The following RPS6KA5 variants were observed in gnomAD, a reference collection of about 807,000 sequenced individuals.
The protein encoded by RPS6KA5 is ribosomal protein S6 kinase alpha-5.
Under a neutral mutation model 85.5 loss-of-function variants are expected in RPS6KA5, and 27 were observed. The observed-to-expected ratio is 0.32, with a 90% confidence interval of 0.23 to 0.44. The LOEUF (loss-of-function observed/expected upper bound fraction) is 0.44. RPS6KA5 is among the 20% of genes least tolerant of loss of function. The probability of loss-of-function intolerance (pLI) is 1.00; values close to 1 mark genes in which losing one functional copy is unlikely to be tolerated. For missense variants in RPS6KA5, 811 were observed against 980.9 expected, an observed-to-expected ratio of 0.83 and a Z score of 2.31; for synonymous variants, 334 against 348.2, an observed-to-expected ratio of 0.96 and a Z score of 0.46.
At chr14:90,980,752 A>G (rs2039754352) in intron 2 of RPS6KA5, among the ~76,000 whole-genome samples, 1 of 152,224 alleles carries the variant, frequency 6.6e-6, no homozygotes, top group Admixed American at 6.5e-5. Context: ...AGGGAACCAG[A>G]GATTAAATAG....
intron 6 of RPS6KA5, among the ~76,000 whole-genome samples, 169 bp downstream of exon 6, chr14:90,922,944 T>C (rs932075231): frequency 1.3e-5 from 2 of 152,018 alleles, no homozygotes; most frequent in Admixed American, 1.3e-4. Flanking sequence ...TCCAAAATAC[T>C]AGATATCATA....
At chr14:91,060,246 C>T in intron 1 of RPS6KA5, 86 bp downstream of exon 1, 1 of 977,016 alleles carries the variant, frequency 1.0e-6, no homozygotes. Context: ...GCTGCGGCCC[C>T]GCGCCCCCAG....
intron 1 of RPS6KA5, among the ~76,000 whole-genome samples, chr14:91,043,937 T>C (rs1032823794): frequency 1.3e-5 from 2 of 152,120 alleles, no homozygotes; most frequent in Non-Finnish European, 2.9e-5. Context: ...AAGAAAATTA[T>C]CCAAGTAGGC....
At position 91,059,340 on chromosome 14, in the gene RPS6KA5, GA is replaced by G. The variant is rs542313515; in HGVS notation, c.103+991del. ...GAGCAACAAGAGCGAAACTCTGTCT[GA>G]AAAAAAAAAAAAAAAATCCCAATAT... On this transcript the variant is annotated intron_variant, in intron 1 of 16. Transcript: ENST00000614987. Among the ~76,000 whole-genome samples, 699 of 127,518 alleles carry G rather than the reference GA, an allele frequency of 5.5e-3. 1 individual carries two copies. The highest frequency in any genetic ancestry group is 0.029 in the South Asian group (116 of 3,964). 83.7% of individuals were successfully genotyped at this position (127,518 alleles called of 152,430 possible).
At chr14:91,012,227 A>G (rs2041290447) in intron 1 of RPS6KA5, among the ~76,000 whole-genome samples, 1 of 152,336 alleles carries the variant, frequency 6.6e-6, no homozygotes, top group East Asian at 1.9e-4. Context: ...ATTCCTCAAT[A>G]AACAGTTTCA....
intron 4 of RPS6KA5, among the ~76,000 whole-genome samples, chr14:90,943,544 A>C (rs548493199): frequency 6.6e-6 from 1 of 152,162 alleles, no homozygotes; most frequent in Admixed American, 6.5e-5. Flanking sequence ...ATCACTTCCT[A>C]ACGGCTTCAG....
At chr14:91,004,341 G>A (rs544579608) in intron 1 of RPS6KA5, among the ~76,000 whole-genome samples, 3 of 151,962 alleles carry the variant, frequency 2.0e-5, no homozygotes, top group South Asian at 4.2e-4. Context: ...AAAGTGCTGG[G>A]ATTACAGGCG....
chr14:90,968,907 T>C (rs558504417), intron 3 of RPS6KA5, among the ~76,000 whole-genome samples: 1 of 152,372 alleles, frequency 6.6e-6, no homozygotes, highest in African/African-American at 2.4e-5. Flanking sequence ...AATAGCCCTT[T>C]AATTTAGGTC....
In RPS6KA5 at chr14:90,861,600, T is replaced by C. The variant is rs571635381; in HGVS notation, c.*10474A>G. On this transcript the variant is annotated 3_prime_UTR_variant, in exon 17 of 17. Coordinates refer to ENST00000614987, the MANE Select transcript of RPS6KA5 (RefSeq NM_004755.4). ...ACATACATAGAATGTAGAAGTAAAA[T>C]ACATGACAACAATAACATAAAAGGA... The C allele has an allele frequency of 1.3e-5, 2 of 149,686 alleles. No homozygotes were observed. Among genetic ancestry groups the C allele is most frequent in the South Asian group, 4.2e-4 (2 of 4,722 alleles). 9.3% of individuals were successfully genotyped at this position (149,686 alleles called of 1,614,324 possible).
At chr14:91,027,839 A>C (rs1310358708) in intron 1 of RPS6KA5, among the ~76,000 whole-genome samples, 1 of 152,214 alleles carries the variant, frequency 6.6e-6, no homozygotes, top group Non-Finnish European at 1.5e-5. Context: ...ACCTCTGCTC[A>C]ATTTCATTGG....
intron 1 of RPS6KA5, among the ~76,000 whole-genome samples, chr14:91,045,287 G>A (rs1489524220): frequency 7.6e-5 from 11 of 143,848 alleles, no homozygotes; most frequent in African/African-American, 2.9e-4. Flanking sequence ...TTGAGATGGA[G>A]TCTTGCTCAG....
Position 90,875,616 on chromosome 14 carries a change from G to C in RPS6KA5, c.1837-256C>G, listed in dbSNP as rs113640422. Among the ~76,000 whole-genome samples, 1,245 of 151,824 alleles carry C rather than the reference G, an allele frequency of 8.2e-3. 11 individuals carry two copies. Among genetic ancestry groups the C allele is most frequent in the Middle Eastern group, 0.017 (5 of 294 alleles). ...ACACATGCACACGTATGTTTATTGC[G>C]GCACTATTCACAATAGCAAAGACTT... On this transcript the variant is annotated intron_variant, in intron 14 of 16. Transcript: ENST00000614987.
At chr14:90,925,498 T>G (rs368798094) in intron 5 of RPS6KA5, among the ~76,000 whole-genome samples, 1 of 152,022 alleles carries the variant, frequency 6.6e-6, no homozygotes, top group South Asian at 2.1e-4. Flanking sequence ...CTGCACGGTG[T>G]GGGGAAGTAG....
rs571038965 is a variant in RPS6KA5, at chr14:90,994,398, G to A, written c.175+6690C>T. ...TCCAATCTGTCTGGTCATTTTTTTA[G>A]CATGTATTATTCCGTAATATTACAA... On this transcript the variant is annotated intron_variant, in intron 2 of 16. Transcript: ENST00000614987. 5.3e-5 allele frequency among the ~76,000 whole-genome samples: 8 copies of A among 150,996 alleles called. No homozygotes were observed. In the South Asian group the frequency reaches 1.7e-3, roughly 31 times the overall value.
At chr14:90,966,741 T>C (rs891513993) in intron 3 of RPS6KA5, among the ~76,000 whole-genome samples, 10 of 152,304 alleles carry the variant, frequency 6.6e-5, no homozygotes, top group African/African-American at 2.4e-4. Flanking sequence ...TAATACTAGT[T>C]GCAAGGAATG....
intron 2 of RPS6KA5, among the ~76,000 whole-genome samples, chr14:90,983,612 GAAGA>G (rs958994491): frequency 6.8e-6 from 1 of 146,128 alleles, no homozygotes; most frequent in Non-Finnish European, 1.5e-5. Context: ...GGGGGAGAAA[GAAGA>G]AAGAAGAGAG....
At chr14:91,058,456 T>G (rs903979974) in intron 1 of RPS6KA5, among the ~76,000 whole-genome samples, 3 of 152,234 alleles carry the variant, frequency 2.0e-5, no homozygotes, top group Non-Finnish European at 2.9e-5. Context: ...TGCTCCTTGG[T>G]CATTTAGCAA....
At chr14:90,947,637 A>G in intron 3 of RPS6KA5, 87 bp from the exon 4 acceptor site, 2 of 756,002 alleles carry the variant, frequency 2.6e-6, no homozygotes, top group South Asian at 1.6e-5. Context: ...GATTCACCAT[A>G]AGGCACTGAT....
chr14:90,998,202 G>A lies in RPS6KA5; in HGVS notation c.175+2886C>T, dbSNP rs138470594. The stretch of plus-strand genomic sequence containing the variant: ...CAGTTAGTGGTTGTTTAGGACTGGG[G>A]AGGATGGTGAGCTTGCTTGGGCATT... On this transcript the variant is annotated intron_variant, in intron 2 of 16. Coordinates refer to ENST00000614987, the MANE Select transcript of RPS6KA5 (RefSeq NM_004755.4). 9.1e-4 allele frequency among the ~76,000 whole-genome samples: 138 copies of A among 152,244 alleles called. No individual in the cohort carries two copies. In the East Asian group the frequency reaches 0.02, roughly 22 times the overall value.
Sources: gnomAD v4.1 joint callset for allele counts (sites outside exome capture counted in the v4.1 genomes callset) on GRCh38, gnomAD v4.1.1 for gene constraint, MANE v1.5 for transcripts, NCBI Gene and HGNC (gene_info 2026-07-23, HGNC 2026-07-21) for gene names.